CCDC60: variants seen among roughly 807,000 people sequenced by gnomAD.
CCDC60 encodes coiled-coil domain containing 60, also known as coiled-coil domain-containing protein 60.
CCDC60 carries 54 observed loss-of-function variants against 63.5 expected under a neutral mutation model. The observed-to-expected ratio is 0.85, with a 90% CI of 0.68 to 1.07. The LOEUF is 1.07. Ranked by LOEUF, CCDC60 falls within the 50% of genes least tolerant of loss-of-function variation. The probability of loss-of-function intolerance (pLI) is 0.00; values close to 1 mark genes in which losing one functional copy is unlikely to be tolerated. For synonymous variants in CCDC60, 206 were observed against 238.8 expected (o/e 0.86, Z 1.27); for missense variants, 651 against 684.3 (o/e 0.95, Z 0.54).
At position 119,472,173 on chromosome 12, in the gene CCDC60, A is replaced by T; in HGVS notation, c.341+9A>T. ...GGGGACACCTTATTGAGGTAAGTGG[A>T]TGCAGTAGCTGTGGCACTGAAGGTT... is the stretch of plus-strand genomic sequence containing the variant. On this transcript the variant is annotated intron_variant, in intron 3 of 13. Coordinates refer to ENST00000327554, the MANE Select transcript of CCDC60 (RefSeq NM_178499.5). 1 of 1,613,198 alleles carries T rather than the reference A, an allele frequency of 6.2e-7. No homozygotes were observed. Among genetic ancestry groups the T allele is most frequent in the Non-Finnish European group, 8.5e-7 (1 of 1,179,540 alleles).
intron 2 of CCDC60, among the ~76,000 whole-genome samples, chr12:119,454,937 T>C (rs1374225712): frequency 6.6e-6 from 1 of 152,194 alleles, no homozygotes; most frequent in Non-Finnish European, 1.5e-5. Flanking sequence ...AGAAAATGGC[T>C]GCTGGAGCAG....
chr12:119,516,477 T>A (rs1952357335), intron 7 of CCDC60, 146 bp from the exon 8 acceptor site: 1 of 595,926 alleles, frequency 1.7e-6, no homozygotes, highest in Non-Finnish European at 3.0e-6. Flanking sequence ...ATCAGCCACC[T>A]CTTCTGGACC....
intron 1 of CCDC60, among the ~76,000 whole-genome samples, chr12:119,381,126 C>T (rs190247690): frequency 5.9e-5 from 9 of 152,280 alleles, no homozygotes; most frequent in East Asian, 3.9e-4. Flanking sequence ...ACTTCTGTTA[C>T]GGTAATCAGT....
At position 119,531,133 on chromosome 12, in the gene CCDC60, C is replaced by T. The variant is rs79034186; in HGVS notation, c.1551+70C>T. 566 of 1,383,326 alleles carry T rather than the reference C, an allele frequency of 4.1e-4. 3 individuals carry two copies. In the African/African-American group the frequency reaches 6.6e-3, roughly 16 times the overall value. The allele number at this position is 1,383,326 out of a possible 1,614,324, so 85.7% of individuals were successfully genotyped here. On this transcript the variant is annotated intron_variant, in intron 13 of 13. Transcript: ENST00000327554. ...ATTCAATCACCTCTCAACATTCAGG[C>T]ACTGTTTAAGTGCTGGGGACACAAA...
At chr12:119,463,711 C>T (rs753295590) in intron 2 of CCDC60, among the ~76,000 whole-genome samples, 75 of 152,240 alleles carry the variant, frequency 4.9e-4, no homozygotes, top group Non-Finnish European at 9.4e-4. Flanking sequence ...CTCAAGTGTA[C>T]ACTGGAAACA....
chr12:119,515,152 G>A (rs1952322270), intron 7 of CCDC60, among the ~76,000 whole-genome samples: 1 of 152,162 alleles, frequency 6.6e-6, no homozygotes, highest in Admixed American at 6.5e-5. Flanking sequence ...GGTCCCCATT[G>A]TTAAATGACA....
chr12:119,354,589 G>A lies in CCDC60; in HGVS notation c.90+19323G>A, dbSNP rs559117853. ...CACCTTTCTGCTTTAGCAAAGAAACGGGGAGACTTTCTTTCCAGCTACAGC... is the reference window on the plus strand; with the variant it reads ...CACCTTTCTGCTTTAGCAAAGAAACAGGGAGACTTTCTTTCCAGCTACAGC... On this transcript the variant is annotated intron_variant, in intron 1 of 13. Coordinates refer to ENST00000327554, the MANE Select transcript of CCDC60 (RefSeq NM_178499.5). Among the ~76,000 whole-genome samples the A allele has an allele frequency of 5.9e-5, 9 of 152,308 alleles. 1 individual carries two copies. Among genetic ancestry groups the A allele is most frequent in the East Asian group, 1.9e-4 (1 of 5,190 alleles).
intron 9 of CCDC60, among the ~76,000 whole-genome samples, chr12:119,521,693 TTC>T (rs1166058016): frequency 6.6e-6 from 1 of 152,114 alleles, no homozygotes; most frequent in Non-Finnish European, 1.5e-5. Flanking sequence ...TGTTGCTTAT[TTC>T]TGTCTCTTGC....
chr12:119,506,730 C>G (rs573218356), intron 7 of CCDC60, among the ~76,000 whole-genome samples: 1 of 152,092 alleles, frequency 6.6e-6, no homozygotes, highest in Non-Finnish European at 1.5e-5. Context: ...CACATATACA[C>G]AATTTTGCAC....
chr12:119,380,290 C>T (rs776673289), intron 1 of CCDC60, among the ~76,000 whole-genome samples: 9 of 152,168 alleles, frequency 5.9e-5, no homozygotes, highest in Non-Finnish European at 1.2e-4. Flanking sequence ...AACTCTTGGT[C>T]GGAATTTGGT....
intron 2 of CCDC60, among the ~76,000 whole-genome samples, chr12:119,442,539 CCTCT>C (rs1019738716): frequency 1.3e-5 from 2 of 152,110 alleles, no homozygotes; most frequent in Admixed American, 6.5e-5. Flanking sequence ...TATGCATTAT[CCTCT>C]CTCTCATTAT....
intron 2 of CCDC60, among the ~76,000 whole-genome samples, chr12:119,437,268 C>T (rs377507042): frequency 2.0e-4 from 30 of 152,234 alleles, no homozygotes; most frequent in East Asian, 1.9e-3. Flanking sequence ...AATGCAAGTT[C>T]GATGACAGTC....
intron 4 of CCDC60, among the ~76,000 whole-genome samples, chr12:119,487,408 C>T (rs1951475878): frequency 1.3e-5 from 2 of 151,960 alleles, no homozygotes; most frequent in Admixed American, 1.3e-4. Context: ...AGCAATTCTC[C>T]TGCCTTAGCC....
At chr12:119,479,011 C>A in intron 3 of CCDC60, 83 bp from the exon 4 acceptor site, 1 of 932,802 alleles carries the variant, frequency 1.1e-6, no homozygotes, top group Non-Finnish European at 1.7e-6. Context: ...GTCATATCTG[C>A]CGAATAGACC....
chr12:119,361,652 T>G (rs982622154), intron 1 of CCDC60, among the ~76,000 whole-genome samples: 3 of 152,214 alleles, frequency 2.0e-5, no homozygotes, highest in African/African-American at 7.2e-5. Context: ...GGAGAAGGGA[T>G]AAGTCCCAAG....
At chr12:119,381,171 T>G (rs1281747487) in intron 1 of CCDC60, among the ~76,000 whole-genome samples, 1 of 152,224 alleles carries the variant, frequency 6.6e-6, no homozygotes. Context: ...GGACTTTTGT[T>G]TCTTCCTCCC....
intron 1 of CCDC60, among the ~76,000 whole-genome samples, chr12:119,398,116 A>AGGGGGC (rs1956313959): frequency 7.3e-5 from 2 of 27,278 alleles, no homozygotes; most frequent in African/African-American, 1.6e-4. Flanking sequence ...GGGGGGAGGA[A>AGGGGGC]GGGGTGGCAG....
rs761712136 is a variant in CCDC60 at position 119,505,240 on chromosome 12, A to C, written c.820A>C (p.Ser274Arg). ...PPSVNTQVTS[S>R]KDIEDNESSS... The stretch of plus-strand genomic sequence containing the variant: ...AAGTGTGAACACCCAGGTGACCAGC[A>C]GCAAGGACATTGAGGACAATGAGTC... The change falls in exon 7 of 14, where the codon AGC becomes CGC. Residue 274 changes from serine (S) to arginine (R), a missense_variant. Coordinates refer to ENST00000327554, the MANE Select transcript of CCDC60 (RefSeq NM_178499.5). The C allele has an allele frequency of 3.7e-6, 6 of 1,613,784 alleles. No individual in the cohort carries two copies. Among genetic ancestry groups the C allele is most frequent in the Non-Finnish European group, 5.1e-6 (6 of 1,180,040 alleles).
At chr12:119,502,174 G>A (rs929144825) in intron 6 of CCDC60, among the ~76,000 whole-genome samples, 4 of 152,200 alleles carry the variant, frequency 2.6e-5, no homozygotes, top group Non-Finnish European at 4.4e-5. Context: ...CAGCTAAAGG[G>A]AAGAACCTCT....
Sources: gnomAD v4.1 joint callset for allele counts (sites outside exome capture counted in the v4.1 genomes callset) on GRCh38, gnomAD v4.1.1 for gene constraint, MANE v1.5 for transcripts, NCBI Gene and HGNC (gene_info 2026-07-23, HGNC 2026-07-21) for gene names.